The following MKNK1 variants were observed in gnomAD, a reference collection of about 807,000 sequenced individuals.
MKNK1 encodes the protein MAPK interacting serine/threonine kinase 1, also known as MAP kinase-interacting serine/threonine-protein kinase 1.
MKNK1 carries 30 observed loss-of-function variants against 49.3 expected under a neutral mutation model. The ratio of observed to expected loss-of-function variants is 0.61; its 90% CI spans 0.46 to 0.83. MKNK1 has a LOEUF of 0.83. MKNK1 is among the 40% of genes least tolerant of loss of function. The pLI, the probability that MKNK1 is intolerant of heterozygous loss-of-function variation, is 0.00. For missense variants in MKNK1, 423 were observed against 524.7 expected, an observed-to-expected ratio of 0.81 and a Z score of 1.89; for synonymous variants, 176 against 201.7, an observed-to-expected ratio of 0.87 and a Z score of 1.08.
At chr1:46,560,128 T>G in intron 12 of MKNK1, 106 bp downstream of exon 12, 1 of 1,297,804 alleles carries the variant, frequency 7.7e-7, no homozygotes, top group Non-Finnish European at 1.1e-6. Context: ...GGGAGCCCCT[T>G]TGGAGAAAGC....
At chr1:46,593,855 G>GAA (rs61626573) in intron 2 of MKNK1, 1,169 of 127,934 alleles carry the variant, frequency 9.1e-3, no homozygotes, top group South Asian at 0.019. Context: ...GACTCTATCT[G>GAA]AAAAAAAAAA....
intron 1 of MKNK1, among the ~76,000 whole-genome samples, chr1:46,596,360 C>T (rs1674065127): frequency 6.6e-6 from 1 of 152,182 alleles, no homozygotes; most frequent in Admixed American, 6.5e-5. Flanking sequence ...TCCCCAACCA[C>T]ATAAAAATGT....
chr1:46,569,395 G>A (rs963229939), intron 7 of MKNK1: 1 of 152,284 alleles, frequency 6.6e-6, no homozygotes, highest in African/African-American at 2.4e-5. Flanking sequence ...CTAACTCTGG[G>A]TCATGGTGTT....
chr1:46,596,148 G>C (rs1674037966), intron 1 of MKNK1, among the ~76,000 whole-genome samples: 1 of 152,158 alleles, frequency 6.6e-6, no homozygotes, highest in African/African-American at 2.4e-5. Flanking sequence ...TTTCTGTAAA[G>C]TGCCAGATGG....
intron 1 of MKNK1, among the ~76,000 whole-genome samples, chr1:46,597,483 C>G (rs1379576880): frequency 6.6e-6 from 1 of 152,182 alleles, no homozygotes; most frequent in Non-Finnish European, 1.5e-5. Flanking sequence ...TGTCCACTGC[C>G]TCTGGAGTAA....
In MKNK1 at chr1:46,577,481, A is replaced by T. The variant is rs1435475239; in HGVS notation, c.199-827T>A. The stretch of plus-strand genomic sequence containing the variant: ...AAGTAACAGAGAGACTCCATCTCAA[A>T]AAATAAATAAATAAATAAATAAATA... On this transcript the variant is annotated intron_variant, in intron 4 of 12. Coordinates refer to ENST00000371945, the MANE Select transcript of MKNK1 (RefSeq NM_001135553.4). Among the ~76,000 whole-genome samples the T allele has an allele frequency of 5.3e-5, 8 of 152,100 alleles. No individual in the cohort carries two copies. In the East Asian group the frequency reaches 1.2e-3, roughly 22 times the overall value.
intron 4 of MKNK1, among the ~76,000 whole-genome samples, chr1:46,579,465 A>T (rs559133308): frequency 2.0e-5 from 3 of 152,346 alleles, no homozygotes; most frequent in African/African-American, 7.2e-5. Flanking sequence ...GGAAACCTGG[A>T]TCTGTGTGTG....
intron 1 of MKNK1, 68 bp from the exon 2 acceptor site, chr1:46,594,348 GATCA>G (rs1190401261): frequency 4.7e-6 from 3 of 637,232 alleles, no homozygotes; most frequent in East Asian, 2.8e-5. Context: ...AAAAGAGAAA[GATCA>G]ATCTGAACGT....
At chr1:46,571,787 G>C (rs1557847534) in intron 7 of MKNK1, among the ~76,000 whole-genome samples, 12 of 152,172 alleles carry the variant, frequency 7.9e-5, no homozygotes. Context: ...CACATACCCT[G>C]TTCAATGTGA....
At chr1:46,577,857 C>G (rs1033394490) in intron 4 of MKNK1, among the ~76,000 whole-genome samples, 1 of 152,260 alleles carries the variant, frequency 6.6e-6, no homozygotes. Context: ...GTGAGCAAAT[C>G]TGCAGAGCCT....
chr1:46,571,716 G>A (rs1670181035), intron 7 of MKNK1, among the ~76,000 whole-genome samples: 2 of 152,152 alleles, frequency 1.3e-5, no homozygotes, highest in East Asian at 3.8e-4. Context: ...TATTGTGTAT[G>A]AGCTTTATAT....
intron 7 of MKNK1, among the ~76,000 whole-genome samples, chr1:46,571,179 G>A (rs1419661512): frequency 1.3e-5 from 2 of 152,200 alleles, no homozygotes; most frequent in Non-Finnish European, 2.9e-5. Flanking sequence ...AACCTGAAGC[G>A]TAAATCAAAT....
At chr1:46,588,191 AAG>A (rs1672849217) in intron 2 of MKNK1, among the ~76,000 whole-genome samples, 1 of 152,216 alleles carries the variant, frequency 6.6e-6, no homozygotes, top group Non-Finnish European at 1.5e-5. Context: ...TCTAATCCAT[AAG>A]AGTTTTCTCT....
intron 6 of MKNK1, among the ~76,000 whole-genome samples, chr1:46,572,996 C>T (rs1183315328): frequency 6.6e-6 from 1 of 152,206 alleles, no homozygotes; most frequent in Non-Finnish European, 1.5e-5. Flanking sequence ...CAATGGCTAA[C>T]ATTTACTGAG....
chr1:46,574,124 G>C (rs1670608587), intron 6 of MKNK1: 1 of 152,216 alleles, frequency 6.6e-6, no homozygotes, highest in Admixed American at 6.5e-5. Flanking sequence ...GTGCCTACCA[G>C]ACACTGTCCT....
intron 5 of MKNK1, chr1:46,576,225 C>A: frequency 3.8e-6 from 1 of 262,932 alleles, no homozygotes; most frequent in South Asian, 4.4e-5. Flanking sequence ...GGTATTAAGG[C>A]AAGTCCTTAA....
rs1388921934 is a variant in MKNK1, at chr1:46,557,596, G to C, written c.*979C>G. The C allele has an allele frequency of 6.5e-6, 1 of 152,672 alleles. No homozygotes were observed. The highest frequency in any genetic ancestry group is 1.5e-5 in the Non-Finnish European group (1 of 68,056). The allele number at this position is 152,672 out of a possible 1,614,324, so 9.5% of individuals were successfully genotyped here. On this transcript the variant is annotated 3_prime_UTR_variant, in exon 13 of 13. Coordinates refer to ENST00000371945, the MANE Select transcript of MKNK1 (RefSeq NM_001135553.4). The stretch of plus-strand genomic sequence containing the variant: ...CACTGCATTGCTCAAACAGGGAAGT[G>C]AGGCTTCACCCTAGTGTGGCTTCAC...
chr1:46,582,669 G>T, intron 3 of MKNK1: 1 of 355,980 alleles, frequency 2.8e-6, no homozygotes, highest in Non-Finnish European at 5.5e-6. Flanking sequence ...CCCACACTGA[G>T]CCTAGTGCCT....
Position 46,604,265 on chromosome 1 carries a change from C to G in MKNK1, c.-251G>C, listed in dbSNP as rs996031488. On this transcript the variant is annotated 5_prime_UTR_variant, in exon 1 of 13. Coordinates refer to ENST00000371945, the MANE Select transcript of MKNK1 (RefSeq NM_001135553.4). Reference sequence around the variant, plus strand: ...CTCCGAGAACGCGGAAGAGGCGGTGCTAGATCCAGGGGGTGGGCCCGATCA... The same window carrying G: ...CTCCGAGAACGCGGAAGAGGCGGTGGTAGATCCAGGGGGTGGGCCCGATCA... 2 of 151,922 alleles carry G rather than the reference C, an allele frequency of 1.3e-5. No individual in the cohort carries two copies. The highest frequency in any genetic ancestry group is 4.8e-5 in the African/African-American group (2 of 41,322). The allele number at this position is 151,922 out of a possible 1,614,324, so 9.4% of individuals were successfully genotyped here.
Sources: gnomAD v4.1 joint callset for allele counts (sites outside exome capture counted in the v4.1 genomes callset) on GRCh38, gnomAD v4.1.1 for gene constraint, MANE v1.5 for transcripts, NCBI Gene and HGNC (gene_info 2026-07-23, HGNC 2026-07-21) for gene names.